USP35: variants seen among roughly 807,000 people sequenced by gnomAD.
USP35 encodes the protein ubiquitin carboxyl-terminal hydrolase 35.
In USP35, 69 loss-of-function variants were observed where a neutral mutation model predicts 83.8. That is an observed-to-expected ratio of 0.82 (90% CI 0.68 to 1.01). The LOEUF is 1.01. Among genes scored for constraint, USP35 ranks in the 50% least tolerant of loss-of-function variants. The pLI, the probability that USP35 is intolerant of heterozygous loss-of-function variation, is 0.00. For synonymous variants in USP35, 714 were observed against 589.5 expected (o/e 1.21, Z -3.06); for missense variants, 1,503 against 1,362.5 (o/e 1.10, Z -1.62).
chr11:78,213,612 C>T (rs768538962), intron 10 of USP35, 34 bp from the exon 11 acceptor site: 102 of 966,786 alleles, frequency 1.1e-4, no homozygotes, highest in Non-Finnish European at 1.3e-4. Flanking sequence ...GGTGTGAATT[C>T]TAAGTCTAAG....
chr11:78,225,727 G>A, the USP35 span, among the ~76,000 whole-genome samples: 1 of 152,164 alleles, frequency 6.6e-6, no homozygotes, highest in Non-Finnish European at 1.5e-5. Context: ...CTCATCTCTG[G>A]CACAATGACT....
Position 78,188,940 on chromosome 11 carries a change from A to G in USP35, c.-228A>G. On this transcript the variant is annotated 5_prime_UTR_variant, in exon 1 of 11. Transcript: ENST00000529308. ...CCGCAGCCCCGGGGCCGCGCCGCAG[A>G]GTCGGGCTTCCTGGATACATAGAGG... is the stretch of plus-strand genomic sequence containing the variant. The G allele has an allele frequency of 5.1e-6, 5 of 985,628 alleles. No individual in the cohort carries two copies. Among genetic ancestry groups the G allele is most frequent in the Non-Finnish European group, 6.0e-6 (5 of 830,096 alleles). The allele number at this position is 985,628 out of a possible 1,614,324, so 61.1% of individuals were successfully genotyped here. A position where few individuals can be genotyped will look rare whatever the true frequency, so the allele number is the denominator to read the frequency against.
chr11:78,201,030 C>T (rs1401210071), intron 6 of USP35, among the ~76,000 whole-genome samples: 1 of 152,226 alleles, frequency 6.6e-6, no homozygotes, highest in Non-Finnish European at 1.5e-5. Context: ...CTTTTGCACA[C>T]ACTGTGCTTT....
Position 78,210,251 on chromosome 11 carries a change from A to T in USP35, c.2396A>T (p.Gln799Leu). Reference sequence around the variant, plus strand: ...GCCGAGAAGGTGGTGGAGCTGAGCCAAGGGCCGTGCTACCTCATCCTCACA... The same window carrying T: ...GCCGAGAAGGTGGTGGAGCTGAGCCTAGGGCCGTGCTACCTCATCCTCACA... ...QDAEKVVELSQGPCYLILTLL... is the reference protein window; with the variant it reads ...QDAEKVVELSLGPCYLILTLL... Residue 799 changes from glutamine to leucine, a missense_variant, in exon 10 of 11, where the codon CAA becomes CTA. Coordinates refer to ENST00000529308, the MANE Select transcript of USP35 (RefSeq NM_020798.4). The T allele has an allele frequency of 6.2e-7, 1 of 1,614,010 alleles. No homozygotes were observed. Among genetic ancestry groups the T allele is most frequent in the Non-Finnish European group, 8.5e-7 (1 of 1,180,002 alleles).
chr11:78,214,475 A>AT lies in USP35; in HGVS notation c.*663dup, dbSNP rs1864001828. On this transcript the variant is annotated 3_prime_UTR_variant, in exon 11 of 11. Transcript: ENST00000529308. Reference sequence around the variant, plus strand: ...CAGGGCCTGAGAAGCCACCACTTGTATCCCCCTTGTGGTTAGAGTCCTGAT... The same window carrying AT: ...CAGGGCCTGAGAAGCCACCACTTGTATTCCCCCTTGTGGTTAGAGTCCTGAT... The AT allele has an allele frequency of 6.8e-6, 1 of 146,652 alleles. No individual in the cohort carries two copies. Among genetic ancestry groups the AT allele is most frequent in the Non-Finnish European group, 1.5e-5 (1 of 67,312 alleles). The allele number at this position is 146,652 out of a possible 1,614,324, so 9.1% of individuals were successfully genotyped here.
At chr11:78,198,151 G>A (rs1027994593) in intron 3 of USP35, 83 bp downstream of exon 3, 8 of 1,581,392 alleles carry the variant, frequency 5.1e-6, no homozygotes, top group Middle Eastern at 1.7e-4. Context: ...TGGGTGGGCC[G>A]CTGGGCTAGA....
chr11:78,206,503 G>A lies in USP35; in HGVS notation c.1391+468G>A, dbSNP rs924337785. Among the ~76,000 whole-genome samples, 10 of 152,116 alleles carry A rather than the reference G, an allele frequency of 6.6e-5. No individual in the cohort carries two copies. In the South Asian group the frequency reaches 8.3e-4, roughly 13 times the overall value. On this transcript the variant is annotated intron_variant, in intron 7 of 10. Coordinates refer to ENST00000529308, the MANE Select transcript of USP35 (RefSeq NM_020798.4). ...AAATAAGCTTTGATTCTGGCTTATC[G>A]TATGTCCTCAAGTCAGTTTCTTTTC...
the USP35 span, chr11:78,221,628 T>C: frequency 1.7e-6 from 2 of 1,162,458 alleles, no homozygotes; most frequent in Non-Finnish European, 2.6e-6. Context: ...GAGGGGTGGG[T>C]CCCAGGGGAC....
chr11:78,212,786 G>A (rs1001389390), intron 10 of USP35, among the ~76,000 whole-genome samples: 4 of 152,170 alleles, frequency 2.6e-5, no homozygotes, highest in Admixed American at 6.6e-5. Flanking sequence ...AGCTTAAGAA[G>A]CTCCTGGGAT....
chr11:78,226,655 C>T, the USP35 span: 7 of 1,613,990 alleles, frequency 4.3e-6, no homozygotes, highest in South Asian at 1.1e-5. Context: ...TGGCCACTGT[C>T]ATGGCATTGT....
At chr11:78,227,197 C>G in the USP35 span, 2 of 632,384 alleles carry the variant, frequency 3.2e-6, no homozygotes, top group Admixed American at 2.7e-5. Context: ...TGTTCAGACT[C>G]TAGTATATGA....
At chr11:78,213,238 G>A (rs759883259) in intron 10 of USP35, among the ~76,000 whole-genome samples, 40 of 150,874 alleles carry the variant, frequency 2.7e-4, no homozygotes, top group Non-Finnish European at 4.4e-4. Flanking sequence ...GCAGGGTGGC[G>A]GGTAAGGATC....
At chr11:78,227,079 G>C in the USP35 span, 4 of 1,467,142 alleles carry the variant, frequency 2.7e-6, no homozygotes, top group Non-Finnish European at 3.8e-6. Flanking sequence ...GAAAGGGCAG[G>C]AGGGTGAGAC....
chr11:78,196,991 G>A lies in USP35; in HGVS notation c.673+73G>A. ...TGGGCGCTTGGGTAGGTGGCTGTACGTGTGGATTTGTGCATGCGGGCGCCC... is the reference window on the plus strand; with the variant it reads ...TGGGCGCTTGGGTAGGTGGCTGTACATGTGGATTTGTGCATGCGGGCGCCC... On this transcript the variant is annotated intron_variant, in intron 2 of 10. Coordinates refer to ENST00000529308, the MANE Select transcript of USP35 (RefSeq NM_020798.4). This position sits in a 1 kb window ranked among gnomAD's most constrained non-coding sequence, Gnocchi z 4.8. 3.6e-6 allele frequency: 5 copies of A among 1,404,528 alleles called. No individual in the cohort carries two copies. The highest frequency in any genetic ancestry group is 4.6e-6 in the Non-Finnish European group (5 of 1,084,056). 87.0% of individuals were successfully genotyped at this position (1,404,528 alleles called of 1,614,324 possible). A position where few individuals can be genotyped will look rare whatever the true frequency, so the allele number is the denominator to read the frequency against.
chr11:78,213,708 C>T lies in USP35; in HGVS notation c.2952C>T (p.His984=), dbSNP rs373234802. 2.5e-5 allele frequency: 39 copies of T among 1,531,958 alleles called. No individual in the cohort carries two copies. In the African/African-American group the frequency reaches 5.2e-4, roughly 20 times the overall value. The allele number at this position is 1,531,958 out of a possible 1,614,324, so 94.9% of individuals were successfully genotyped here. The change falls in exon 11 of 11, where the codon CAC becomes CAT. Residue 984 remains histidine, a synonymous_variant. Transcript: ENST00000529308. The stretch of plus-strand genomic sequence containing the variant: ...TCTCTGCACTCCCCACATCTCCGCA[C>T]TGGGGGAGGGGCTTTGATGAAGACA... ...AYISALPTSP[H]WGRGFDEDKD... is the part of the protein sequence containing the mutation.
At chr11:78,219,824 T>G (rs533873553), downstream of USP35, among the ~76,000 whole-genome samples, 473 of 152,254 alleles carry the variant, frequency 3.1e-3, 1 homozygote, top group African/African-American at 0.011. Context: ...TGCCACCCTG[T>G]GAAGGGGAAC....
chr11:78,231,273 CAGAGGCTAT>C, the USP35 span, among the ~76,000 whole-genome samples: 1 of 152,058 alleles, frequency 6.6e-6, no homozygotes, highest in Non-Finnish European at 1.5e-5. Flanking sequence ...ATGGCTCTTC[CAGAGGCTAT>C]AGAGGCTATT....
intron 2 of USP35, among the ~76,000 whole-genome samples, 174 bp downstream of exon 2, chr11:78,197,092 G>A (rs1380425710): frequency 1.3e-5 from 2 of 152,224 alleles, no homozygotes; most frequent in African/African-American, 4.8e-5. Context: ...TGACACAACT[G>A]TCTAGAGCAC....
chr11:78,222,087 CCA>C, the USP35 span: 6 of 1,546,804 alleles, frequency 3.9e-6, no homozygotes, highest in Non-Finnish European at 5.4e-6. Context: ...GCTCCCACCC[CCA>C]CACATACGCA....
Sources: gnomAD v4.1 joint callset for allele counts (sites outside exome capture counted in the v4.1 genomes callset) on GRCh38, gnomAD v4.1.1 for gene constraint, Gnocchi (gnomAD v3.1) non-coding constraint, MANE v1.5 for transcripts, NCBI Gene and HGNC (gene_info 2026-07-23, HGNC 2026-07-21) for gene names.